HIPK2: variants seen among roughly 807,000 people sequenced by gnomAD.
The protein encoded by HIPK2 is homeodomain-interacting protein kinase 2.
In HIPK2, 27 loss-of-function variants were observed where a neutral mutation model predicts 113.7. That is an observed-to-expected ratio of 0.24 (90% CI 0.17 to 0.33). HIPK2 has a LOEUF of 0.33. HIPK2 is among the 10% of genes least tolerant of loss of function. The probability of loss-of-function intolerance (pLI) is 1.00; values close to 1 mark genes in which losing one functional copy is unlikely to be tolerated. For missense variants in HIPK2, 1,257 were observed against 1,588.0 expected (o/e 0.79, Z 3.54); for synonymous variants, 631 against 642.2 (o/e 0.98, Z 0.26).
intron 9 of HIPK2, among the ~76,000 whole-genome samples, chr7:139,607,315 T>C (rs1376557361): frequency 6.7e-6 from 1 of 150,220 alleles, no homozygotes; most frequent in Non-Finnish European, 1.5e-5. Flanking sequence ...GAAGAAATTA[T>C]CAAAGGAAAA....
intron 1 of HIPK2, among the ~76,000 whole-genome samples, chr7:139,776,074 A>C (rs1385124767): frequency 1.3e-5 from 2 of 152,184 alleles, no homozygotes; most frequent in Non-Finnish European, 1.5e-5. Flanking sequence ...CCTCCTGTAG[A>C]CGCAGATGAA....
intron 2 of HIPK2, among the ~76,000 whole-genome samples, chr7:139,715,492 T>C (rs1308976877): frequency 6.6e-6 from 1 of 152,242 alleles, no homozygotes; most frequent in East Asian, 1.9e-4. Flanking sequence ...AGACCCCCAG[T>C]GACCTGGTTC....
At chr7:139,602,625 GAA>G (rs113890647) in intron 10 of HIPK2, among the ~76,000 whole-genome samples, 1 of 145,930 alleles carries the variant, frequency 6.9e-6, no homozygotes, top group African/African-American at 2.5e-5. Context: ...AGGGGCGAGG[GAA>G]AAAAAAAAAC....
At chr7:139,688,831 A>C (rs548162727) in intron 2 of HIPK2, among the ~76,000 whole-genome samples, 1 of 152,322 alleles carries the variant, frequency 6.6e-6, no homozygotes, top group Non-Finnish European at 1.5e-5. Context: ...TTCTGCCTGC[A>C]TGTGAATTTA....
intron 1 of HIPK2, among the ~76,000 whole-genome samples, chr7:139,749,778 T>C (rs1174059880): frequency 6.6e-6 from 1 of 152,200 alleles, no homozygotes; most frequent in East Asian, 1.9e-4. Flanking sequence ...GCTTGTTCCC[T>C]GCACCCTCCT....
At chr7:139,742,205 G>C (rs1235866165) in intron 1 of HIPK2, among the ~76,000 whole-genome samples, 1 of 152,202 alleles carries the variant, frequency 6.6e-6, no homozygotes, top group African/African-American at 2.4e-5. Context: ...TTCAAGTCTG[G>C]CTTTGTGTTG....
chr7:139,752,720 A>G (rs1796297669), intron 1 of HIPK2, among the ~76,000 whole-genome samples: 1 of 147,110 alleles, frequency 6.8e-6, no homozygotes, highest in African/African-American at 2.5e-5. Context: ...CTTTTTTCAC[A>G]GCTGAAAAAA....
chr7:139,740,605 C>T (rs1294780924), intron 1 of HIPK2, among the ~76,000 whole-genome samples: 1 of 152,192 alleles, frequency 6.6e-6, no homozygotes, highest in Non-Finnish European at 1.5e-5. Context: ...CATGAGAAAT[C>T]AGAGAGCAAC....
intron 2 of HIPK2, among the ~76,000 whole-genome samples, chr7:139,646,380 G>A (rs1801224230): frequency 6.6e-6 from 1 of 151,796 alleles, no homozygotes; most frequent in South Asian, 2.1e-4. Flanking sequence ...CACACCTGTA[G>A]TCCCAGCTAC....
chr7:139,723,218 A>G (rs771354002), intron 1 of HIPK2, among the ~76,000 whole-genome samples: 38 of 139,828 alleles, frequency 2.7e-4, no homozygotes, highest in Non-Finnish European at 5.0e-4. Flanking sequence ...TTTGAGACAG[A>G]GTTTCACTCT....
chr7:139,719,770 T>C (rs778444017), intron 1 of HIPK2, among the ~76,000 whole-genome samples: 1 of 152,226 alleles, frequency 6.6e-6, no homozygotes, highest in Non-Finnish European at 1.5e-5. Flanking sequence ...CTTCAAAACA[T>C]CTCTTGCATC....
At chr7:139,750,447 T>A (rs1401739987) in intron 1 of HIPK2, among the ~76,000 whole-genome samples, 1 of 152,194 alleles carries the variant, frequency 6.6e-6, no homozygotes, top group Non-Finnish European at 1.5e-5. Context: ...GATGTATACA[T>A]CTATTCATAA....
intron 2 of HIPK2, among the ~76,000 whole-genome samples, chr7:139,697,309 T>A (rs1794594306): frequency 6.6e-6 from 1 of 152,202 alleles, no homozygotes; most frequent in African/African-American, 2.4e-5. Flanking sequence ...AAGCTGCTCC[T>A]TTTCTCTCCG....
rs759643688 is a variant in HIPK2 at position 139,603,945 on chromosome 7, T to C, written c.2255+136A>G. The C allele has an allele frequency of 3.0e-4, 352 of 1,163,852 alleles. 2 individuals carry two copies. Among genetic ancestry groups the C allele is most frequent in the Middle Eastern group, 8.9e-4 (3 of 3,368 alleles). The allele number at this position is 1,163,852 out of a possible 1,614,324, so 72.1% of individuals were successfully genotyped here. A position where few individuals can be genotyped will look rare whatever the true frequency, so the allele number is the denominator to read the frequency against. ...TACCCTGCACTCATAGTCCACACAA[T>C]ATTTTTAGAAGCTTTAAAAAGCTCT... On this transcript the variant is annotated intron_variant, in intron 10 of 14. Transcript: ENST00000406875.
chr7:139,677,745 T>C (rs1802551996), intron 2 of HIPK2, among the ~76,000 whole-genome samples: 3 of 152,156 alleles, frequency 2.0e-5, no homozygotes, highest in African/African-American at 7.2e-5. Context: ...AGTAATGGAA[T>C]TGCTGGGTCA....
chr7:139,563,963 T>C lies in HIPK2; in HGVS notation c.*8964A>G, dbSNP rs577283389. ...GCCATTCCCCCAGTCTGTTTCTGCATGACAGTGGGGCCCATTCCTGTCTCG... is the reference window on the plus strand; with the variant it reads ...GCCATTCCCCCAGTCTGTTTCTGCACGACAGTGGGGCCCATTCCTGTCTCG... On this transcript the variant is annotated 3_prime_UTR_variant, in exon 15 of 15. Transcript: ENST00000406875. The C allele has an allele frequency of 2.1e-4, 85 of 398,636 alleles. No individual in the cohort carries two copies. The highest frequency in any genetic ancestry group is 3.0e-4 in the Non-Finnish European group (68 of 226,082). 24.7% of individuals were successfully genotyped at this position (398,636 alleles called of 1,614,324 possible).
chr7:139,593,904 C>T (rs1453321082), intron 12 of HIPK2, among the ~76,000 whole-genome samples: 3 of 152,200 alleles, frequency 2.0e-5, no homozygotes, highest in African/African-American at 7.2e-5. Flanking sequence ...CATGTGGCTG[C>T]ACTTGGGGGT....
chr7:139,563,585 C>A lies in HIPK2; in HGVS notation c.*9342G>T. The A allele has an allele frequency of 2.7e-6, 1 of 374,042 alleles. No individual in the cohort carries two copies. Among genetic ancestry groups the A allele is most frequent in the East Asian group, 3.9e-5 (1 of 25,898 alleles). 23.2% of individuals were successfully genotyped at this position (374,042 alleles called of 1,614,324 possible). On this transcript the variant is annotated 3_prime_UTR_variant, in exon 15 of 15. Transcript: ENST00000406875. Reference sequence around the variant, plus strand: ...AATTTCTATGTTTTAAAAATATAAGCCCCAAAAACAATGACACAAAATTCA... The same window carrying A: ...AATTTCTATGTTTTAAAAATATAAGACCCAAAAACAATGACACAAAATTCA...
At chr7:139,584,492 A>T (rs562984349) in intron 12 of HIPK2, among the ~76,000 whole-genome samples, 1 of 152,366 alleles carries the variant, frequency 6.6e-6, no homozygotes, top group South Asian at 2.1e-4. Context: ...GGTTAGGAGT[A>T]AACCTCGCTG....
Sources: allele counts gnomAD v4.1 joint callset (sites outside exome capture counted in the v4.1 genomes callset), GRCh38; gene constraint gnomAD v4.1.1; transcripts MANE v1.5; gene names NCBI Gene and HGNC (gene_info 2026-07-23, HGNC 2026-07-21).